Variants in ADAM12 observed in about 807,000 individuals in gnomAD.
ADAM12 encodes ADAM metallopeptidase domain 12, also known as disintegrin and metalloproteinase domain-containing protein 12.
A neutral mutation model predicts 106.4 loss-of-function variants in ADAM12; 70 were observed. That is an observed-to-expected ratio of 0.66 (90% CI 0.54 to 0.80). The LOEUF (loss-of-function observed/expected upper bound fraction) is 0.80, where lower values mean the gene tolerates loss of function less well. ADAM12 is among the 30% of genes least tolerant of loss of function. ADAM12 has a pLI of 0.00. For missense variants in ADAM12, 1,010 were observed against 1,171.9 expected (o/e 0.86, Z 2.02); for synonymous variants, 420 against 433.5 (o/e 0.97, Z 0.39).
At chr10:126,303,484 T>C (rs1960712234) in intron 2 of ADAM12, among the ~76,000 whole-genome samples, 1 of 152,340 alleles carries the variant, frequency 6.6e-6, no homozygotes, top group South Asian at 2.1e-4. Context: ...AGACAGGTCA[T>C]TAAATTACTT....
chr10:126,330,656 GT>G, intron 1 of ADAM12, 147 bp from the exon 2 acceptor site: 1 of 631,064 alleles, frequency 1.6e-6, no homozygotes, highest in Non-Finnish European at 2.6e-6. Flanking sequence ...CATGAAAAGT[GT>G]TAAAACTGCT....
intron 3 of ADAM12, among the ~76,000 whole-genome samples, chr10:126,278,671 A>G (rs1017587704): frequency 1.3e-5 from 2 of 152,214 alleles, no homozygotes; most frequent in Non-Finnish European, 2.9e-5. Flanking sequence ...GCACTGAAAA[A>G]ATAAAACATC....
At chr10:126,030,135 C>G (rs1953948580) in intron 21 of ADAM12, among the ~76,000 whole-genome samples, 1 of 152,164 alleles carries the variant, frequency 6.6e-6, no homozygotes, top group South Asian at 2.1e-4. Context: ...AAGAATGAAG[C>G]AGATGTATAA....
chr10:126,118,087 AG>A lies in ADAM12; in HGVS notation c.553del (p.Leu185SerfsTer32). 6.2e-7 allele frequency: 1 copy of A among 1,614,004 alleles called. No homozygotes were observed. The highest frequency in any genetic ancestry group is 8.5e-7 in the Non-Finnish European group (1 of 1,179,964). On this transcript the variant is annotated frameshift_variant, in exon 6 of 23. Transcript: ENST00000448723. LOFTEE classifies it high-confidence loss of function. ...SCGSHHNTPN[L>X]AAKNVFPPPS... ...TGGTGGAAACACATTCTTTGCAGCG[AG>A]GTTTGGTGTGTTGTGATGTGATCCA...
chr10:126,296,356 A>C (rs61670382), intron 2 of ADAM12, among the ~76,000 whole-genome samples: 1 of 152,060 alleles, frequency 6.6e-6, no homozygotes, highest in Non-Finnish European at 1.5e-5. Context: ...GCTGCTCTTG[A>C]ACTTCTGGCT....
At chr10:126,032,829 C>T (rs769141058) in intron 21 of ADAM12, among the ~76,000 whole-genome samples, 28 of 152,034 alleles carry the variant, frequency 1.8e-4, no homozygotes, top group Non-Finnish European at 1.2e-4. Flanking sequence ...ATTAGAAAAA[C>T]AAATGTAAAA....
intron 21 of ADAM12, among the ~76,000 whole-genome samples, chr10:126,026,914 C>G (rs1357760679): frequency 6.6e-6 from 1 of 151,234 alleles, no homozygotes; most frequent in Non-Finnish European, 1.5e-5. Flanking sequence ...AAGAAATAAC[C>G]AAGATCAGAG....
rs536322656 is a variant in ADAM12 at position 126,161,161 on chromosome 10, C to T, written c.261-5856G>A. On this transcript the variant is annotated intron_variant, in intron 3 of 22. Transcript: ENST00000448723. ...AGCCACAGGAGGGCTCCTTGGTCATCGCTGTATTCCCTCACTTCCAGCCCT... is the reference window on the plus strand; with the variant it reads ...AGCCACAGGAGGGCTCCTTGGTCATTGCTGTATTCCCTCACTTCCAGCCCT... Among the ~76,000 whole-genome samples the T allele has an allele frequency of 6.6e-5, 10 of 152,290 alleles. No homozygotes were observed. The South Asian group carries it at 8.3e-4, about 13-fold the overall frequency.
At chr10:126,332,595 C>T (rs974245266) in intron 1 of ADAM12, among the ~76,000 whole-genome samples, 8 of 152,154 alleles carry the variant, frequency 5.3e-5, no homozygotes, top group Non-Finnish European at 5.9e-5. Flanking sequence ...GAAGGACAGG[C>T]CAGGAAAGCC....
intron 8 of ADAM12, among the ~76,000 whole-genome samples, chr10:126,103,741 G>A (rs1404571637): frequency 6.6e-6 from 1 of 152,224 alleles, no homozygotes; most frequent in Admixed American, 6.5e-5. Flanking sequence ...GCAGCTGCCT[G>A]CCTGACTTAC....
At chr10:126,238,594 G>A (rs563065971) in intron 3 of ADAM12, among the ~76,000 whole-genome samples, 12 of 152,088 alleles carry the variant, frequency 7.9e-5, no homozygotes, top group East Asian at 3.9e-4. Flanking sequence ...TGCATGTTGC[G>A]TACTTTCAAT....
At chr10:126,211,999 GAT>G (rs1957912085) in intron 3 of ADAM12, among the ~76,000 whole-genome samples, 1 of 152,234 alleles carries the variant, frequency 6.6e-6, no homozygotes, top group South Asian at 2.1e-4. Context: ...GAATGTGGGT[GAT>G]GGGGAGGGAA....
chr10:126,321,006 C>T (rs1854075981), intron 2 of ADAM12, among the ~76,000 whole-genome samples: 1 of 152,184 alleles, frequency 6.6e-6, no homozygotes, highest in Non-Finnish European at 1.5e-5. Flanking sequence ...TTACTACAGT[C>T]TGTGAGCTTC....
At chr10:126,328,587 A>G (rs764554101) in intron 2 of ADAM12, among the ~76,000 whole-genome samples, 1 of 152,232 alleles carries the variant, frequency 6.6e-6, no homozygotes, top group Non-Finnish European at 1.5e-5. Flanking sequence ...GGGGTTACCC[A>G]CCAAATATGA....
At position 126,181,900 on chromosome 10, in the gene ADAM12, C is replaced by T. The variant is rs1957319219; in HGVS notation, c.261-26595G>A. On this transcript the variant is annotated intron_variant, in intron 3 of 22. Coordinates refer to ENST00000448723, the MANE Select transcript of ADAM12 (RefSeq NM_001288973.2). The stretch of plus-strand genomic sequence containing the variant: ...GGAGCTGAGATCCACCGGGAGATTA[C>T]ATGATTTCTGGGGTCTTTAATTGCA... 2.0e-5 allele frequency among the ~76,000 whole-genome samples: 3 copies of T among 152,216 alleles called. No homozygotes were observed. In the South Asian group the frequency reaches 6.2e-4, roughly 31 times the overall value.
chr10:126,241,778 T>A (rs1385212285), intron 3 of ADAM12, among the ~76,000 whole-genome samples: 1 of 152,252 alleles, frequency 6.6e-6, no homozygotes, highest in Non-Finnish European at 1.5e-5. Flanking sequence ...GACATGTGCA[T>A]GGGATAAATA....
intron 1 of ADAM12, among the ~76,000 whole-genome samples, chr10:126,382,487 G>C (rs1021739073): frequency 5.3e-5 from 8 of 152,194 alleles, no homozygotes; most frequent in African/African-American, 1.9e-4. Context: ...ACAGGCCCTA[G>C]AGCCAGGCTT....
chr10:126,019,695 C>T lies in ADAM12; in HGVS notation c.2660G>A (p.Arg887Lys), dbSNP rs1166266902. The T allele has an allele frequency of 5.6e-6, 9 of 1,613,324 alleles. No individual in the cohort carries two copies. The highest frequency in any genetic ancestry group is 1.3e-5 in the African/African-American group (1 of 75,044). The part of the protein sequence containing the change: ...WETGLRLAPL[R>K]PAPQYPHQVP... ...GATGGGCATGGCATGTCACACAAAC[C>T]TGAGGGGTGCCAGGCGGAGCCCAGT... Residue 887 changes from arginine to lysine, a missense_variant and splice_region_variant, in exon 22 of 23, where the codon AGA (arginine) becomes AAA (lysine). Around this residue, in one of 3 missense-constraint regions of ADAM12, gnomAD observed 615 missense variants for 708.5 expected, o/e 0.87. Transcript: ENST00000448723.
chr10:126,069,287 A>G (rs1205012353), intron 12 of ADAM12, among the ~76,000 whole-genome samples: 1 of 152,270 alleles, frequency 6.6e-6, no homozygotes, highest in African/African-American at 2.4e-5. Flanking sequence ...AAAGCAAAAA[A>G]TAAAAAAAAG....
Sources: allele counts gnomAD v4.1 joint callset (sites outside exome capture counted in the v4.1 genomes callset), GRCh38; gene constraint gnomAD v4.1.1; regional missense constraint gnomAD v4.1.1; transcripts MANE v1.5; gene names NCBI Gene and HGNC (gene_info 2026-07-23, HGNC 2026-07-21).